NRG3: variants seen among roughly 807,000 people sequenced by gnomAD.
NRG3 encodes the protein pro-neuregulin-3, membrane-bound isoform.
In NRG3, 31 loss-of-function variants were observed where a neutral mutation model predicts 66.9. That is an observed-to-expected ratio of 0.46 (90% CI 0.35 to 0.63). The LOEUF is 0.63. NRG3 is among the 20% of genes least tolerant of loss of function. The pLI, the probability that NRG3 is intolerant of heterozygous loss-of-function variation, is 0.00. For missense variants in NRG3, 910 were observed against 878.9 expected, an observed-to-expected ratio of 1.04 and a Z score of -0.45; for synonymous variants, 393 against 359.4, an observed-to-expected ratio of 1.09 and a Z score of -1.06.
At chr10:81,953,140 C>T (rs1054890667) in intron 1 of NRG3, among the ~76,000 whole-genome samples, 11 of 152,284 alleles carry the variant, frequency 7.2e-5, no homozygotes, top group Admixed American at 2.0e-4. Context: ...TAACACTCTT[C>T]CTGAATTCCA....
At chr10:81,948,030 G>C (rs979615331) in intron 1 of NRG3, among the ~76,000 whole-genome samples, 1 of 152,120 alleles carries the variant, frequency 6.6e-6, no homozygotes, top group Admixed American at 6.6e-5. Context: ...CTCCTTGTCT[G>C]AAGGTTGCTT....
rs116218837 is a variant in NRG3 at position 82,767,801 on chromosome 10, T to A, written c.1027+29151T>A. ...CCATTACATTTTACAGGTGAAATAC[T>A]TTTTTTGAATGTCTCTAAGGATATT... is the stretch of plus-strand genomic sequence containing the variant. On this transcript the variant is annotated intron_variant, in intron 3 of 8. Transcript: ENST00000372141. 4.8e-3 allele frequency among the ~76,000 whole-genome samples: 734 copies of A among 152,180 alleles called. 9 individuals are homozygous for A. Among genetic ancestry groups the A allele is most frequent in the African/African-American group, 0.017 (712 of 41,528 alleles).
chr10:82,583,260 T>A (rs2046468743), intron 2 of NRG3, among the ~76,000 whole-genome samples: 1 of 152,194 alleles, frequency 6.6e-6, no homozygotes, highest in Non-Finnish European at 1.5e-5. Context: ...TAAGGTGATA[T>A]GAGAACATTC....
intron 1 of NRG3, among the ~76,000 whole-genome samples, chr10:82,272,892 C>A (rs1172227511): frequency 6.6e-6 from 1 of 151,958 alleles, no homozygotes; most frequent in Non-Finnish European, 1.5e-5. Context: ...CTCGCTATGG[C>A]CTTAAAACTG....
chr10:82,976,477 G>A (rs2132619226), intron 7 of NRG3, among the ~76,000 whole-genome samples: 1 of 152,254 alleles, frequency 6.6e-6, no homozygotes. Flanking sequence ...AACTCATCGT[G>A]CTGAGCACCT....
At chr10:81,964,767 T>C (rs2059668376) in intron 1 of NRG3, among the ~76,000 whole-genome samples, 1 of 152,158 alleles carries the variant, frequency 6.6e-6, no homozygotes, top group Non-Finnish European at 1.5e-5. Context: ...TTTCTGAGTT[T>C]TGCATATTTG....
chr10:82,857,922 C>T (rs1447178176), intron 3 of NRG3, among the ~76,000 whole-genome samples: 1 of 151,984 alleles, frequency 6.6e-6, no homozygotes, highest in African/African-American at 2.4e-5. Context: ...TGATAATATC[C>T]CTTTCTTTTT....
At chr10:82,984,224 G>A (rs187336784) in intron 8 of NRG3, among the ~76,000 whole-genome samples, 21 of 152,262 alleles carry the variant, frequency 1.4e-4, no homozygotes, top group African/African-American at 4.6e-4. Context: ...TTCTGTCATG[G>A]AACAGCACAG....
chr10:82,587,546 G>A (rs2046743945), intron 2 of NRG3, among the ~76,000 whole-genome samples: 1 of 152,330 alleles, frequency 6.6e-6, no homozygotes, highest in Non-Finnish European at 1.5e-5. Context: ...TCTTGGGCAA[G>A]TGGTTTAATG....
intron 2 of NRG3, among the ~76,000 whole-genome samples, chr10:82,559,211 A>C (rs1460530131): frequency 6.6e-6 from 1 of 151,966 alleles, no homozygotes; most frequent in Non-Finnish European, 1.5e-5. Flanking sequence ...TGGAGCATAG[A>C]CTTCAGTTGA....
At chr10:82,696,589 A>G (rs570479998) in intron 2 of NRG3, among the ~76,000 whole-genome samples, 1 of 152,220 alleles carries the variant, frequency 6.6e-6, no homozygotes, top group Non-Finnish European at 1.5e-5. Context: ...TCTGATGTTT[A>G]CTCAGCATTT....
chr10:82,711,000 G>A (rs1480933049), intron 2 of NRG3, among the ~76,000 whole-genome samples: 1 of 151,944 alleles, frequency 6.6e-6, no homozygotes, highest in East Asian at 1.9e-4. Flanking sequence ...TCTAATTATT[G>A]GCCTCAATTG....
chr10:82,310,199 T>TA (rs1228327862), intron 1 of NRG3, among the ~76,000 whole-genome samples: 8 of 152,180 alleles, frequency 5.3e-5, no homozygotes, highest in African/African-American at 1.7e-4. Context: ...ATCATTTATC[T>TA]CCATCATTAT....
intron 2 of NRG3, among the ~76,000 whole-genome samples, chr10:82,543,884 A>G (rs901234577): frequency 4.6e-5 from 7 of 152,196 alleles, no homozygotes; most frequent in African/African-American, 1.7e-4. Flanking sequence ...GTCAGGCAGT[A>G]AGATTCTCTG....
At chr10:82,251,855 T>TG (rs981786932) in intron 1 of NRG3, among the ~76,000 whole-genome samples, 29 of 151,970 alleles carry the variant, frequency 1.9e-4, no homozygotes, top group African/African-American at 6.8e-4. Context: ...AATCTCCCTG[T>TG]GGGGGGCTTC....
chr10:81,954,701 A>G (rs1337693840), intron 1 of NRG3, among the ~76,000 whole-genome samples: 3 of 152,192 alleles, frequency 2.0e-5, no homozygotes, highest in Non-Finnish European at 4.4e-5. Context: ...GAATGAGGGC[A>G]TTCTAAAAAA....
At chr10:82,570,362 T>C (rs1473968522) in intron 2 of NRG3, among the ~76,000 whole-genome samples, 2 of 151,662 alleles carry the variant, frequency 1.3e-5, no homozygotes, top group African/African-American at 4.8e-5. Context: ...CTTTCCATAG[T>C]TGTTATTTTT....
At chr10:82,184,665 T>C (rs769911652) in intron 1 of NRG3, among the ~76,000 whole-genome samples, 3 of 152,160 alleles carry the variant, frequency 2.0e-5, no homozygotes, top group Non-Finnish European at 4.4e-5. Flanking sequence ...CTCGGGGATA[T>C]AATAAATATT....
rs1335208736 is a variant in NRG3, at chr10:82,252,201, A to G, written c.824-106538A>G. The stretch of plus-strand genomic sequence containing the variant: ...TCTTGCTGAAAAATTATTTAAGTCC[A>G]TGAATGAAGACAAATGATTTCAACA... On this transcript the variant is annotated intron_variant, in intron 1 of 8. Transcript: ENST00000372141. 2.0e-5 allele frequency among the ~76,000 whole-genome samples: 3 copies of G among 152,238 alleles called. No individual in the cohort carries two copies. In the East Asian group the frequency reaches 5.8e-4, roughly 29 times the overall value.
Sources: gnomAD v4.1 joint callset for allele counts (sites outside exome capture counted in the v4.1 genomes callset) on GRCh38, gnomAD v4.1.1 for gene constraint, MANE v1.5 for transcripts, NCBI Gene and HGNC (gene_info 2026-07-23, HGNC 2026-07-21) for gene names.